LOXHD1: variants seen among roughly 807,000 people sequenced by gnomAD.
LOXHD1 encodes the protein lipoxygenase homology domain-containing protein 1.
In LOXHD1, 205 loss-of-function variants were observed where a neutral mutation model predicts 248.2. The ratio of observed to expected loss-of-function variants is 0.83; its 90% CI spans 0.74 to 0.93. The LOEUF (loss-of-function observed/expected upper bound fraction) is 0.93, where lower values mean the gene tolerates loss of function less well. Among genes scored for constraint, LOXHD1 ranks in the 40% least tolerant of loss-of-function variants. LOXHD1 has a pLI of 0.00. For missense variants in LOXHD1, 2,930 were observed against 2,971.6 expected (o/e 0.99, Z 0.33); for synonymous variants, 1,113 against 1,162.8 (o/e 0.96, Z 0.87).
intron 20 of LOXHD1, chr18:46,559,060 T>C (rs2037448725): frequency 3.0e-6 from 3 of 995,808 alleles, no homozygotes; most frequent in East Asian, 5.9e-5. Context: ...TTTATATGTC[T>C]ACACCATACT....
chr18:46,563,910 G>GT (rs2037582013), intron 17 of LOXHD1, among the ~76,000 whole-genome samples: 1 of 152,224 alleles, frequency 6.6e-6, no homozygotes, highest in Non-Finnish European at 1.5e-5. Flanking sequence ...GCAGAGAGCA[G>GT]TGAGCGCAGA....
At chr18:46,585,603 T>A (rs966116601) in intron 12 of LOXHD1, among the ~76,000 whole-genome samples, 9 of 152,148 alleles carry the variant, frequency 5.9e-5, no homozygotes, top group African/African-American at 1.7e-4. Context: ...ATTATTAAGA[T>A]GGCAATACTC....
chr18:46,508,049 C>T (rs536464298), intron 35 of LOXHD1, among the ~76,000 whole-genome samples: 1 of 152,110 alleles, frequency 6.6e-6, no homozygotes, highest in African/African-American at 2.4e-5. Context: ...CCAACCGAGC[C>T]CCTGTCAGCC....
At chr18:46,641,874 C>G (rs1174750853) in intron 3 of LOXHD1, 82 bp downstream of exon 3, 2 of 1,345,928 alleles carry the variant, frequency 1.5e-6, no homozygotes, top group African/African-American at 2.9e-5. Context: ...GGAAGTAATT[C>G]ATACCCAGAA....
Position 46,593,830 on chromosome 18 carries a change from A to T in LOXHD1, c.1271-70T>A. 4 of 1,518,246 alleles carry T rather than the reference A, an allele frequency of 2.6e-6. No homozygotes were observed. In the South Asian group the frequency reaches 4.8e-5, roughly 18 times the overall value. 94.0% of individuals were successfully genotyped at this position (1,518,246 alleles called of 1,614,324 possible). A position where few individuals can be genotyped will look rare whatever the true frequency, so the allele number is the denominator to read the frequency against. On this transcript the variant is annotated intron_variant, in intron 9 of 40. Coordinates refer to ENST00000642948, the MANE Select transcript of LOXHD1 (RefSeq NM_001384474.1). ...AGATTTTCATATTACCATGGGGAAG[A>T]AGGAAAAATCCAAAATGATCAGGAC...
intron 13 of LOXHD1, 45 bp from the exon 14 acceptor site, chr18:46,577,912 A>AAG (rs1232847340): frequency 1.3e-6 from 2 of 1,547,432 alleles, no homozygotes; most frequent in Non-Finnish European, 8.7e-7. Context: ...TGGCTACCCC[A>AAG]GGACCCAAAC....
chr18:46,656,452 A>T (rs1047776384), intron 1 of LOXHD1, among the ~76,000 whole-genome samples: 1 of 152,100 alleles, frequency 6.6e-6, no homozygotes, highest in Non-Finnish European at 1.5e-5. Context: ...CTCCTTGCAA[A>T]GCCCCAGGCT....
At chr18:46,640,430 C>G (rs1401093925) in intron 3 of LOXHD1, among the ~76,000 whole-genome samples, 1 of 152,196 alleles carries the variant, frequency 6.6e-6, no homozygotes, top group Non-Finnish European at 1.5e-5. Context: ...CCAGAGGACC[C>G]CTATGGCCAT....
Position 46,589,440 on chromosome 18 carries a change from G to A in LOXHD1, c.1654+2493C>T, listed in dbSNP as rs150403379. Among the ~76,000 whole-genome samples the A allele has an allele frequency of 5.1e-3, 775 of 152,240 alleles. 9 individuals are homozygous for A. The highest frequency in any genetic ancestry group is 0.016 in the African/African-American group (652 of 41,540). On this transcript the variant is annotated intron_variant, in intron 12 of 40. Coordinates refer to ENST00000642948, the MANE Select transcript of LOXHD1 (RefSeq NM_001384474.1). Reference sequence around the variant, plus strand: ...TTTCATTTCTTGTCCGTCCCCCTTCGTTCAGTCCTGTAGTACCCATCACAG... The same window carrying A: ...TTTCATTTCTTGTCCGTCCCCCTTCATTCAGTCCTGTAGTACCCATCACAG...
intron 25 of LOXHD1, among the ~76,000 whole-genome samples, chr18:46,539,835 C>G (rs778505144): frequency 6.6e-6 from 1 of 152,058 alleles, no homozygotes; most frequent in Admixed American, 6.5e-5. Context: ...CCCAGAGAAA[C>G]AGTTCAAGTG....
At chr18:46,624,596 A>G (rs904843238) in intron 4 of LOXHD1, among the ~76,000 whole-genome samples, 21 of 152,140 alleles carry the variant, frequency 1.4e-4, no homozygotes, top group African/African-American at 4.8e-4. Context: ...ATTGCCTCTC[A>G]GCCAGGCTCT....
intron 26 of LOXHD1, among the ~76,000 whole-genome samples, chr18:46,536,633 G>A (rs1449403233): frequency 1.3e-5 from 2 of 152,228 alleles, no homozygotes; most frequent in Non-Finnish European, 2.9e-5. Context: ...ACGGCATCAG[G>A]CCTGGATGAC....
At chr18:46,515,087 A>G (rs2035177214) in intron 34 of LOXHD1, among the ~76,000 whole-genome samples, 1 of 152,230 alleles carries the variant, frequency 6.6e-6, no homozygotes, top group Non-Finnish European at 1.5e-5. Context: ...GGAGTGGGAT[A>G]GAGTGAACTG....
intron 31 of LOXHD1, 137 bp from the exon 32 acceptor site, chr18:46,522,446 T>TTCAGAC (rs2035626936): frequency 1.5e-6 from 1 of 674,480 alleles, no homozygotes; most frequent in South Asian, 1.9e-5. Flanking sequence ...CAGTGAGCCC[T>TTCAGAC]TCAGACTGGT....
intron 25 of LOXHD1, among the ~76,000 whole-genome samples, chr18:46,541,120 A>G (rs548286980): frequency 9.8e-5 from 15 of 152,362 alleles, no homozygotes; most frequent in African/African-American, 3.4e-4. Context: ...CTACATACTT[A>G]CATGTCTATA....
chr18:46,500,466 G>A (rs1159598006), intron 37 of LOXHD1, among the ~76,000 whole-genome samples: 5 of 152,180 alleles, frequency 3.3e-5, no homozygotes, highest in African/African-American at 1.2e-4. Context: ...TCTCAAATCG[G>A]TCTGCTTTTT....
chr18:46,546,024 C>T (rs1239366557), intron 22 of LOXHD1, among the ~76,000 whole-genome samples: 11 of 152,042 alleles, frequency 7.2e-5, no homozygotes, highest in Middle Eastern at 6.3e-3. Flanking sequence ...GAGTCCTCTG[C>T]CTCTGGCTTA....
At position 46,643,718 on chromosome 18, in the gene LOXHD1, T is replaced by C. The variant is rs568009840; in HGVS notation, c.246-1682A>G. On this transcript the variant is annotated intron_variant, in intron 2 of 40. Coordinates refer to ENST00000642948, the MANE Select transcript of LOXHD1 (RefSeq NM_001384474.1). ...AAGAGGGCTTTTCTCTTCCAATATA[T>C]AAGACAAGGCAAGTGATCTTTAGAA... Among the ~76,000 whole-genome samples, 13 of 152,208 alleles carry C rather than the reference T, an allele frequency of 8.5e-5. No homozygotes were observed. The East Asian group carries it at 1.9e-3, about 23-fold the overall frequency.
chr18:46,526,500 T>C lies in LOXHD1; in HGVS notation c.4531-1583A>G, dbSNP rs377462508. Among the ~76,000 whole-genome samples the C allele has an allele frequency of 9.9e-5, 15 of 152,216 alleles. No individual in the cohort carries two copies. The East Asian group carries it at 1.2e-3, about 12-fold the overall frequency. The stretch of plus-strand genomic sequence containing the variant: ...CCTATTTTCTATGGGTGCATGTACA[T>C]GTAAGCACAGAAAATGTTTGGAAAG... On this transcript the variant is annotated intron_variant, in intron 29 of 40. Coordinates refer to ENST00000642948, the MANE Select transcript of LOXHD1 (RefSeq NM_001384474.1).
Sources: allele counts gnomAD v4.1 joint callset (sites outside exome capture counted in the v4.1 genomes callset), GRCh38; gene constraint gnomAD v4.1.1; transcripts MANE v1.5; gene names NCBI Gene and HGNC (gene_info 2026-07-23, HGNC 2026-07-21).